IFT88: variants seen among roughly 807,000 people sequenced by gnomAD.
IFT88 encodes intraflagellar transport 88.
IFT88 carries 74 observed loss-of-function variants against 119.5 expected under a neutral mutation model. The observed-to-expected ratio is 0.62, with a 90% CI of 0.51 to 0.75. The LOEUF (loss-of-function observed/expected upper bound fraction) is 0.75. IFT88 is among the 30% of genes least tolerant of loss of function. The pLI is 0.00. For synonymous variants in IFT88, 279 were observed against 316.7 expected (o/e 0.88, Z 1.26); for missense variants, 961 against 977.7 (o/e 0.98, Z 0.23).
intron 23 of IFT88, among the ~76,000 whole-genome samples, chr13:20,667,595 GTTTTC>G (rs1302697203): frequency 1.7e-5 from 2 of 118,966 alleles, no homozygotes; most frequent in Non-Finnish European, 3.3e-5. Flanking sequence ...TTTTGTTTTT[GTTTTC>G]TTTTTTGTAT....
intron 24 of IFT88, among the ~76,000 whole-genome samples, chr13:20,673,745 C>T (rs756223165): frequency 3.3e-5 from 5 of 152,200 alleles, no homozygotes; most frequent in African/African-American, 7.2e-5. Flanking sequence ...CCCACTGCTG[C>T]TTTTTCTTTT....
chr13:20,656,143 A>C (rs940165930), intron 21 of IFT88, among the ~76,000 whole-genome samples: 1 of 151,448 alleles, frequency 6.6e-6, no homozygotes, highest in Non-Finnish European at 1.5e-5. Flanking sequence ...AAAAGGAAGA[A>C]GCTAAATTTC....
intron 23 of IFT88, among the ~76,000 whole-genome samples, chr13:20,669,104 G>C (rs368114062): frequency 6.6e-6 from 1 of 152,198 alleles, no homozygotes; most frequent in African/African-American, 2.4e-5. Context: ...GAAGCAGAAA[G>C]ACAAGAAGGA....
At chr13:20,689,754 GA>G (rs201345376) in intron 24 of IFT88, among the ~76,000 whole-genome samples, 21 of 146,542 alleles carry the variant, frequency 1.4e-4, no homozygotes, top group African/African-American at 2.8e-4. Context: ...ACATTATTCA[GA>G]AAAAAAAAAG....
intron 5 of IFT88, 136 bp downstream of exon 5, chr13:20,591,156 A>C: frequency 1.5e-6 from 1 of 646,262 alleles, no homozygotes; most frequent in Non-Finnish European, 2.6e-6. Context: ...GATTCTTTAA[A>C]TTGTGGGCTA....
intron 17 of IFT88, among the ~76,000 whole-genome samples, chr13:20,640,122 C>T (rs531605997): frequency 6.6e-5 from 10 of 152,048 alleles, no homozygotes; most frequent in African/African-American, 2.4e-4. Context: ...GTGGTTATTG[C>T]TTTATTCATT....
At chr13:20,670,296 T>G (rs745834384) in intron 23 of IFT88, among the ~76,000 whole-genome samples, 3 of 152,176 alleles carry the variant, frequency 2.0e-5, no homozygotes, top group African/African-American at 4.8e-5. Context: ...AATTTGATAG[T>G]GTGACTTGAG....
intron 14 of IFT88, among the ~76,000 whole-genome samples, chr13:20,622,785 T>C (rs530849003): frequency 6.6e-6 from 1 of 152,358 alleles, no homozygotes; most frequent in African/African-American, 2.4e-5. Flanking sequence ...ATTACCTTTT[T>C]ACTCTGTTGA....
intron 1 of IFT88, among the ~76,000 whole-genome samples, chr13:20,570,626 T>C (rs2036152583): frequency 6.6e-6 from 1 of 152,222 alleles, no homozygotes; most frequent in African/African-American, 2.4e-5. Context: ...ACATATTGTG[T>C]AATTTCCTTA....
chr13:20,587,779 A>C (rs191991362), intron 3 of IFT88, among the ~76,000 whole-genome samples: 9 of 152,280 alleles, frequency 5.9e-5, no homozygotes, highest in Non-Finnish European at 1.2e-4. Context: ...ATAGCTATAC[A>C]AGCTCTTTGT....
At chr13:20,648,517 C>T (rs9579914) in intron 20 of IFT88, among the ~76,000 whole-genome samples, 3 of 151,752 alleles carry the variant, frequency 2.0e-5, no homozygotes, top group African/African-American at 7.3e-5. Context: ...TCAAATAGTA[C>T]ACTATAAAAA....
At chr13:20,598,027 C>T (rs997090531) in intron 9 of IFT88, among the ~76,000 whole-genome samples, 2 of 151,966 alleles carry the variant, frequency 1.3e-5, no homozygotes, top group Non-Finnish European at 2.9e-5. Context: ...AATGTTTGCA[C>T]TTCTGTTTAA....
intron 24 of IFT88, among the ~76,000 whole-genome samples, chr13:20,687,895 T>C (rs370171219): frequency 2.9e-4 from 44 of 152,274 alleles, no homozygotes; most frequent in African/African-American, 1.0e-3. Context: ...TCCCTCATGA[T>C]TGAGAACCTC....
intron 14 of IFT88, among the ~76,000 whole-genome samples, chr13:20,625,086 A>G (rs76242632): frequency 0.012 from 1,894 of 152,284 alleles, 44 homozygotes; most frequent in African/African-American, 0.044. Context: ...AAGAGTCGTG[A>G]CCCACTAAAT....
At chr13:20,575,302 T>C (rs957798155) in intron 2 of IFT88, among the ~76,000 whole-genome samples, 12 of 152,208 alleles carry the variant, frequency 7.9e-5, no homozygotes, top group African/African-American at 2.2e-4. Flanking sequence ...TCATTCTTTT[T>C]TATGGCTAGT....
intron 16 of IFT88, chr13:20,631,518 A>C (rs539593015): frequency 6.2e-6 from 1 of 160,910 alleles, no homozygotes; most frequent in Non-Finnish European, 1.4e-5. Context: ...GAATACCAAA[A>C]GTCTAAAAGC....
intron 2 of IFT88, among the ~76,000 whole-genome samples, chr13:20,581,592 A>G (rs2038660448): frequency 1.3e-5 from 2 of 152,214 alleles, no homozygotes. Flanking sequence ...GGCTGGGCAC[A>G]GCGGCTTATG....
chr13:20,597,169 T>A, intron 9 of IFT88, 50 bp downstream of exon 9: 2 of 988,972 alleles, frequency 2.0e-6, no homozygotes, highest in Non-Finnish European at 3.0e-6. Context: ...TGACTAGGGT[T>A]AATGGGTTCC....
At chr13:20,584,569 G>A (rs951162620) in intron 3 of IFT88, among the ~76,000 whole-genome samples, 3 of 151,750 alleles carry the variant, frequency 2.0e-5, no homozygotes, top group South Asian at 2.1e-4. Flanking sequence ...AATTTTCTAC[G>A]AGTACATGAA....
Sources: gnomAD v4.1 joint callset for allele counts (sites outside exome capture counted in the v4.1 genomes callset) on GRCh38, gnomAD v4.1.1 for gene constraint, MANE v1.5 for transcripts, NCBI Gene and HGNC (gene_info 2026-07-23, HGNC 2026-07-21) for gene names.